Variants in MBD5 observed in about 807,000 individuals in gnomAD.
The protein encoded by MBD5 is methyl-CpG-binding domain protein 5.
MBD5 carries 13 observed loss-of-function variants against 117.3 expected under a neutral mutation model. That is an observed-to-expected ratio of 0.11 (90% confidence interval 0.07 to 0.18). The LOEUF (loss-of-function observed/expected upper bound fraction) is 0.18. MBD5 is among the 10% of genes least tolerant of loss of function. The pLI is 1.00. For missense variants in MBD5, 1,879 were observed against 2,093.8 expected (o/e 0.90, Z 2.00); for synonymous variants, 727 against 766.4 (o/e 0.95, Z 0.85).
chr2:148,172,608 G>T lies in MBD5; in HGVS notation c.-924-6092G>T, dbSNP rs573201647. 3.3e-5 allele frequency among the ~76,000 whole-genome samples: 5 copies of T among 152,312 alleles called. No homozygotes were observed. The South Asian group carries it at 1.0e-3, about 32-fold the overall frequency. ...CTGGGTGGAAAGGGGCAGGTCCCTGGTGAAGCCCCACCTTCAGACTAAGGA... is the reference window on the plus strand; with the variant it reads ...CTGGGTGGAAAGGGGCAGGTCCCTGTTGAAGCCCCACCTTCAGACTAAGGA... On this transcript the variant is annotated intron_variant, in intron 1 of 13. Transcript: ENST00000642680.
At chr2:148,366,933 C>T (rs191696097) in intron 4 of MBD5, among the ~76,000 whole-genome samples, 1 of 152,138 alleles carries the variant, frequency 6.6e-6, no homozygotes, top group African/African-American at 2.4e-5. Flanking sequence ...ATGTTATCCC[C>T]ATTAAGCTAC....
intron 2 of MBD5, among the ~76,000 whole-genome samples, chr2:148,223,803 A>G (rs1699750458): frequency 6.6e-6 from 1 of 151,870 alleles, no homozygotes; most frequent in African/African-American, 2.4e-5. Flanking sequence ...GTTCTTTAAG[A>G]TGAATCTTTA....
intron 1 of MBD5, among the ~76,000 whole-genome samples, chr2:148,125,402 C>T (rs1436201685): frequency 6.6e-6 from 1 of 152,078 alleles, no homozygotes; most frequent in Non-Finnish European, 1.5e-5. Flanking sequence ...AGCTAAATTA[C>T]TATTAAATAT....
At chr2:148,357,691 G>A (rs1703422281) in intron 4 of MBD5, among the ~76,000 whole-genome samples, 1 of 151,578 alleles carries the variant, frequency 6.6e-6, no homozygotes, top group South Asian at 2.1e-4. Context: ...CACATGGGCT[G>A]GCCATTTGAA....
At chr2:148,087,850 G>T (rs771400927) in intron 1 of MBD5, among the ~76,000 whole-genome samples, 1 of 152,076 alleles carries the variant, frequency 6.6e-6, no homozygotes, top group Non-Finnish European at 1.5e-5. Flanking sequence ...GCTAGCAATG[G>T]ATCCAAACCA....
chr2:148,186,866 A>G (rs1348184880), intron 2 of MBD5, among the ~76,000 whole-genome samples: 1 of 152,250 alleles, frequency 6.6e-6, no homozygotes, highest in Non-Finnish European at 1.5e-5. Flanking sequence ...TGTAAACAGC[A>G]AAGACTTTAA....
chr2:148,259,727 G>A (rs1321687434), intron 3 of MBD5, among the ~76,000 whole-genome samples: 1 of 152,174 alleles, frequency 6.6e-6, no homozygotes, highest in East Asian at 1.9e-4. Context: ...TTTGAGCCAA[G>A]CATGAGCTCA....
intron 3 of MBD5, among the ~76,000 whole-genome samples, chr2:148,334,560 CT>C (rs1702739918): frequency 6.6e-6 from 1 of 152,108 alleles, no homozygotes; most frequent in Non-Finnish European, 1.5e-5. Flanking sequence ...CCTCAAGCTC[CT>C]GGTCTCAAGT....
intron 1 of MBD5, among the ~76,000 whole-genome samples, chr2:148,151,725 G>C (rs1400121928): frequency 6.6e-6 from 1 of 152,170 alleles, no homozygotes; most frequent in Non-Finnish European, 1.5e-5. Context: ...TAGTTGATTT[G>C]TGTAGAGGTG....
intron 1 of MBD5, among the ~76,000 whole-genome samples, chr2:148,178,107 T>G (rs938975473): frequency 6.6e-6 from 1 of 152,188 alleles, no homozygotes; most frequent in African/African-American, 2.4e-5. Context: ...AAAAACACTC[T>G]CTCTGGATAA....
At chr2:148,220,317 C>T (rs1558977930) in intron 2 of MBD5, among the ~76,000 whole-genome samples, 2 of 152,236 alleles carry the variant, frequency 1.3e-5, no homozygotes, top group East Asian at 3.9e-4. Context: ...CTAATCCTTA[C>T]AGAGGCCTTC....
intron 1 of MBD5, among the ~76,000 whole-genome samples, chr2:148,043,207 C>T (rs900340571): frequency 2.6e-5 from 4 of 151,246 alleles, no homozygotes; most frequent in African/African-American, 9.7e-5. Context: ...AGGTGGATCA[C>T]GAGGTCAGGA....
At chr2:148,367,176 C>G (rs1377446620) in intron 4 of MBD5, among the ~76,000 whole-genome samples, 3 of 152,078 alleles carry the variant, frequency 2.0e-5, no homozygotes, top group Non-Finnish European at 4.4e-5. Context: ...TAACACCACA[C>G]ATCTACAACC....
Position 148,468,927 on chromosome 2 carries a change from C to T in MBD5, c.984C>T (p.Phe328=), listed in dbSNP as rs761210822. 6.2e-7 allele frequency: 1 copy of T among 1,613,718 alleles called. No homozygotes were observed. Among genetic ancestry groups the T allele is most frequent in the African/African-American group, 1.3e-5 (1 of 74,880 alleles). Residue 328 remains phenylalanine (F), a synonymous_variant, in exon 8 of 14, where the codon TTC becomes TTT. Coordinates refer to ENST00000642680, the MANE Select transcript of MBD5 (RefSeq NM_001378120.1). ...ATATGGAAATACCACGAGCAATGTT[C>T]CACCACAAACCACCCCAAGGCCCAC... The part of the protein sequence containing the change: ...STNMEIPRAM[F]HHKPPQGPPP...
At chr2:148,434,884 T>A (rs1706108180) in intron 4 of MBD5, among the ~76,000 whole-genome samples, 1 of 152,118 alleles carries the variant, frequency 6.6e-6, no homozygotes, top group Admixed American at 6.6e-5. Context: ...TCTTCATAGG[T>A]CTCTAAGAAC....
At chr2:148,332,172 G>T (rs1291059417) in intron 3 of MBD5, among the ~76,000 whole-genome samples, 1 of 151,794 alleles carries the variant, frequency 6.6e-6, no homozygotes, top group African/African-American at 2.4e-5. Flanking sequence ...TATAGACTTA[G>T]ATCTCTTTAT....
chr2:148,460,521 A>G (rs1046364561), intron 5 of MBD5, among the ~76,000 whole-genome samples: 2 of 152,220 alleles, frequency 1.3e-5, no homozygotes, highest in Non-Finnish European at 2.9e-5. Context: ...AGCTCCTTCT[A>G]TAGCTCCCTG....
intron 3 of MBD5, among the ~76,000 whole-genome samples, chr2:148,241,690 G>T (rs1012241538): frequency 6.6e-6 from 1 of 151,992 alleles, no homozygotes; most frequent in Non-Finnish European, 1.5e-5. Context: ...GTGGCTTTCT[G>T]CTTAAGTTCT....
At chr2:148,149,251 C>G (rs1228248392) in intron 1 of MBD5, among the ~76,000 whole-genome samples, 1 of 136,796 alleles carries the variant, frequency 7.3e-6, no homozygotes, top group East Asian at 2.1e-4. Flanking sequence ...CATCCATGTC[C>G]CTACAAAGGA....
Sources: allele counts gnomAD v4.1 joint callset (sites outside exome capture counted in the v4.1 genomes callset), GRCh38; gene constraint gnomAD v4.1.1; transcripts MANE v1.5; gene names NCBI Gene and HGNC (gene_info 2026-07-23, HGNC 2026-07-21).